The following HTR1E variants were observed in gnomAD, a reference collection of about 807,000 sequenced individuals.
HTR1E encodes 5-hydroxytryptamine receptor 1E.
In HTR1E, 3 loss-of-function variants were observed where a neutral mutation model predicts 3.4. The ratio of observed to expected loss-of-function variants is 0.89; its 90% CI spans 0.41 to 2.31. HTR1E has a LOEUF of 2.31. Among genes scored for constraint, HTR1E ranks in the 30% most tolerant of loss-of-function variants. HTR1E has a pLI of 0.05. For synonymous variants in HTR1E, 170 were observed against 182.8 expected (o/e 0.93, Z 0.56); for missense variants, 392 against 467.0 (o/e 0.84, Z 1.48).
chr6:86,994,308 A>T (rs984122676), intron 1 of HTR1E, among the ~76,000 whole-genome samples: 3 of 152,196 alleles, frequency 2.0e-5, no homozygotes, highest in Non-Finnish European at 2.9e-5. Context: ...TAATAAGTCA[A>T]AAAAATCACA....
chr6:86,988,812 G>A (rs2127827234), intron 1 of HTR1E, among the ~76,000 whole-genome samples: 1 of 152,158 alleles, frequency 6.6e-6, no homozygotes. Context: ...CTCCTGTTTT[G>A]TCACCAAAGA....
chr6:87,010,066 C>T (rs1768186346), intron 1 of HTR1E, among the ~76,000 whole-genome samples: 1 of 134,362 alleles, frequency 7.4e-6, no homozygotes, highest in Non-Finnish European at 1.6e-5. Flanking sequence ...GGGGCTGACC[C>T]CCCCACCTCC....
intron 1 of HTR1E, among the ~76,000 whole-genome samples, chr6:86,977,975 C>CT (rs1194917712): frequency 3.9e-5 from 6 of 151,938 alleles, no homozygotes; most frequent in African/African-American, 1.5e-4. Flanking sequence ...ATATTTTTTC[C>CT]CATTCTGTAG....
chr6:86,956,725 G>T (rs1180501755), intron 1 of HTR1E, among the ~76,000 whole-genome samples: 1 of 151,722 alleles, frequency 6.6e-6, no homozygotes, highest in East Asian at 1.9e-4. Flanking sequence ...AATTGATTGA[G>T]AAAAAAAATT....
intron 1 of HTR1E, among the ~76,000 whole-genome samples, chr6:86,956,817 G>T (rs1767332622): frequency 6.6e-6 from 1 of 152,136 alleles, no homozygotes; most frequent in South Asian, 2.1e-4. Flanking sequence ...ATTATTTATG[G>T]AGTTTTTTAT....
chr6:86,951,706 A>T (rs1252589259), intron 1 of HTR1E, among the ~76,000 whole-genome samples: 1 of 152,218 alleles, frequency 6.6e-6, no homozygotes, highest in Non-Finnish European at 1.5e-5. Context: ...TTTATGAAGG[A>T]TATATTCGAA....
chr6:86,965,454 A>T (rs2127821242), intron 1 of HTR1E, among the ~76,000 whole-genome samples: 2 of 152,120 alleles, frequency 1.3e-5, no homozygotes, highest in Middle Eastern at 6.8e-3. Context: ...TTTTTTTAAT[A>T]CCGGTGCCTA....
At chr6:86,962,048 C>T (rs528345434) in intron 1 of HTR1E, among the ~76,000 whole-genome samples, 1 of 152,072 alleles carries the variant, frequency 6.6e-6, no homozygotes, top group Admixed American at 6.5e-5. Context: ...GAACTTGTGG[C>T]ACAAGATCAA....
At chr6:86,942,452 T>C (rs1373115936) in intron 1 of HTR1E, among the ~76,000 whole-genome samples, 1 of 152,212 alleles carries the variant, frequency 6.6e-6, no homozygotes, top group African/African-American at 2.4e-5. Flanking sequence ...TATACAGTCA[T>C]CCATAAACAC....
intron 1 of HTR1E, among the ~76,000 whole-genome samples, chr6:86,966,100 G>A (rs971026048): frequency 5.9e-5 from 9 of 152,074 alleles, no homozygotes; most frequent in Non-Finnish European, 1.0e-4. Context: ...CTTTCTTGGA[G>A]GGTGGTATAA....
intron 1 of HTR1E, among the ~76,000 whole-genome samples, chr6:86,960,340 A>C (rs1289310582): frequency 2.6e-5 from 4 of 152,154 alleles, no homozygotes; most frequent in Non-Finnish European, 5.9e-5. Flanking sequence ...ACTGACATTA[A>C]TCCATTCATA....
chr6:87,015,968 CT>C lies in HTR1E; in HGVS notation c.637del (p.Tyr213ThrfsTer10), dbSNP rs1206987561. On this transcript the variant is annotated frameshift_variant, in exon 2 of 2. Coordinates refer to ENST00000305344, the MANE Select transcript of HTR1E (RefSeq NM_000865.3). LOFTEE classifies it low-confidence loss of function (END_TRUNC). ...YYRIYHAAKS[L>X]YQKRGSSRHL... is the part of the protein sequence containing the mutation. The stretch of plus-strand genomic sequence containing the variant: ...CCGGATTTACCACGCGGCCAAGAGC[CT>C]TTACCAGAAAAGGGGATCAAGTCGG... 1 of 1,614,244 alleles carries C rather than the reference CT, an allele frequency of 6.2e-7. No individual in the cohort carries two copies. The highest frequency in any genetic ancestry group is 8.5e-7 in the Non-Finnish European group (1 of 1,180,050).
rs1322489630 is a variant in HTR1E at position 86,993,654 on chromosome 6, T to C, written c.-185-21496T>C. Among the ~76,000 whole-genome samples the C allele has an allele frequency of 2.0e-5, 3 of 151,478 alleles. No individual in the cohort carries two copies. The South Asian group carries it at 6.2e-4, about 31-fold the overall frequency. On this transcript the variant is annotated intron_variant, in intron 1 of 1. Coordinates refer to ENST00000305344, the MANE Select transcript of HTR1E (RefSeq NM_000865.3). ...TTCTACCACTGCATGGCAGCAATCA[T>C]CCAGCACTCCTCTTCTCTCCCTGGA...
At chr6:86,944,191 C>A (rs999180002) in intron 1 of HTR1E, among the ~76,000 whole-genome samples, 1 of 152,184 alleles carries the variant, frequency 6.6e-6, no homozygotes, top group Admixed American at 6.5e-5. Context: ...AAGCCAAGGT[C>A]TTTTTGTAAC....
chr6:86,993,974 A>G (rs1322781690), intron 1 of HTR1E, among the ~76,000 whole-genome samples: 1 of 152,194 alleles, frequency 6.6e-6, no homozygotes, highest in Non-Finnish European at 1.5e-5. Flanking sequence ...TTACAATGGA[A>G]AAAAATACAA....
chr6:86,954,457 T>C (rs1334582941), intron 1 of HTR1E, among the ~76,000 whole-genome samples: 1 of 152,168 alleles, frequency 6.6e-6, no homozygotes, highest in African/African-American at 2.4e-5. Flanking sequence ...TTAGCACCAA[T>C]TTCAATTCCC....
chr6:86,973,069 T>C (rs568151093), intron 1 of HTR1E, among the ~76,000 whole-genome samples: 107 of 152,330 alleles, frequency 7.0e-4, no homozygotes, highest in African/African-American at 2.5e-3. Flanking sequence ...GTCTATAATA[T>C]AGAAATTCTC....
At chr6:86,947,948 G>T (rs1258814073) in intron 1 of HTR1E, among the ~76,000 whole-genome samples, 2 of 152,070 alleles carry the variant, frequency 1.3e-5, no homozygotes, top group East Asian at 3.9e-4. Context: ...CATGTGCCAC[G>T]GTGGTTCACT....
At chr6:87,010,865 TCGCCGGCCTATA>T (rs1768221750) in intron 1 of HTR1E, among the ~76,000 whole-genome samples, 2 of 152,126 alleles carry the variant, frequency 1.3e-5, no homozygotes, top group Non-Finnish European at 2.9e-5. Flanking sequence ...CGGGCGGCGC[TCGCCGGCCTATA>T]CGCCACACTT....
Sources: gnomAD v4.1 joint callset for allele counts (sites outside exome capture counted in the v4.1 genomes callset) on GRCh38, gnomAD v4.1.1 for gene constraint, MANE v1.5 for transcripts, NCBI Gene and HGNC (gene_info 2026-07-23, HGNC 2026-07-21) for gene names.